The following MMUT variants were observed in gnomAD, a reference collection of about 807,000 sequenced individuals.
The protein encoded by MMUT is methylmalonyl-CoA mutase, also known as methylmalonyl-CoA mutase, mitochondrial.
MMUT carries 79 observed loss-of-function variants against 79.9 expected under a neutral mutation model. The ratio of observed to expected loss-of-function variants is 0.99; its 90% CI spans 0.82 to 1.19. The LOEUF (loss-of-function observed/expected upper bound fraction) is 1.19, where lower values mean the gene tolerates loss of function less well. Ranked by LOEUF, MMUT falls within the 50% of genes most tolerant of loss-of-function variation. MMUT has a pLI of 0.00. For missense variants in MMUT, 860 were observed against 917.2 expected, an observed-to-expected ratio of 0.94 and a Z score of 0.81; for synonymous variants, 273 against 295.7, an observed-to-expected ratio of 0.92 and a Z score of 0.79.
chr6:49,447,834 G>A (rs759409298), intron 7 of MMUT, 49 bp from the exon 8 acceptor site: 4 of 996,308 alleles, frequency 4.0e-6, no homozygotes, highest in Admixed American at 1.7e-5. Context: ...TTACCTAATT[G>A]TAATGCTCTG....
intron 4 of MMUT, 128 bp from the exon 5 acceptor site, chr6:49,453,884 T>C: frequency 1.3e-6 from 1 of 793,702 alleles, no homozygotes; most frequent in Non-Finnish European, 2.0e-6. Flanking sequence ...TAATTTGAAT[T>C]AAGATCAGTG....
At chr6:49,447,185 A>G (rs1767430334) in intron 8 of MMUT, among the ~76,000 whole-genome samples, 1 of 151,926 alleles carries the variant, frequency 6.6e-6, no homozygotes. Flanking sequence ...TACCAAATAT[A>G]GTTGAATTTT....
chr6:49,457,817 A>C lies in MMUT; in HGVS notation c.627T>G (p.Pro209=), dbSNP rs752307096. ...GGATGGTACCAGTAAGCTTCTCTTT[A>C]GGTACACCTTGTTCTTCTCCAGTTA... ...FIVTGEEQGV[P]KEKLTGTIQN... is the part of the protein sequence containing the mutation. Residue 209 remains proline (P), a synonymous_variant, in exon 3 of 13, where the codon CCT becomes CCG. Transcript: ENST00000274813. The C allele has an allele frequency of 1.2e-5, 19 of 1,613,420 alleles. No homozygotes were observed. The highest frequency in any genetic ancestry group is 1.6e-5 in the Non-Finnish European group (19 of 1,179,478).
intron 3 of MMUT, 64 bp from the exon 4 acceptor site, chr6:49,456,301 A>G: frequency 9.0e-7 from 1 of 1,108,222 alleles, no homozygotes; most frequent in East Asian, 2.5e-5. Context: ...TATTAAATCC[A>G]CTTTCTAAGC....
At chr6:49,448,681 A>C (rs1035490440) in intron 7 of MMUT, 135 bp downstream of exon 7, 4 of 704,696 alleles carry the variant, frequency 5.7e-6, no homozygotes, top group Non-Finnish European at 2.5e-6. Flanking sequence ...GATAGATACA[A>C]GTATATGAGA....
At chr6:49,436,675 G>A (rs1451487461) in intron 11 of MMUT, among the ~76,000 whole-genome samples, 2 of 151,514 alleles carry the variant, frequency 1.3e-5, no homozygotes, top group African/African-American at 2.4e-5. Flanking sequence ...CAAAGACATG[G>A]AATCAACCTA....
rs1767905201 is a variant in MMUT, at chr6:49,463,243, C to G, written c.-180G>C. 1 of 152,530 alleles carries G rather than the reference C, an allele frequency of 6.6e-6. No individual in the cohort carries two copies. The allele number at this position is 152,530 out of a possible 1,614,324, so 9.4% of individuals were successfully genotyped here. On this transcript the variant is annotated 5_prime_UTR_variant, in exon 1 of 13. Transcript: ENST00000274813. ...AAACCGCGCCACCGCCAGCGTCAGC[C>G]GGACGACTCTGGGGGCGTAGGCCGA...
At position 49,459,321 on chromosome 6, in the gene MMUT, T is replaced by C. The variant is rs1438206722; in HGVS notation, c.146A>G (p.Lys49Arg). 12 of 1,614,040 alleles carry C rather than the reference T, an allele frequency of 7.4e-6. No individual in the cohort carries two copies. Among genetic ancestry groups the C allele is most frequent in the African/African-American group, 1.3e-5 (1 of 74,918 alleles). Residue 49 changes from lysine (K) to arginine (R), a missense_variant, in exon 2 of 13, where the codon AAG (lysine) becomes AGG (arginine). Transcript: ENST00000274813. ...LHPEWAALAK[K>R]QLKGKNPEDL... ...TTCTGGGTTTTTGCCTTTCAGCTGCTTTTTAGCCAGGGCAGCCCATTCTGG... is the reference window on the plus strand; with the variant it reads ...TTCTGGGTTTTTGCCTTTCAGCTGCCTTTTAGCCAGGGCAGCCCATTCTGG...
intron 12 of MMUT, among the ~76,000 whole-genome samples, chr6:49,433,993 A>G (rs954038368): frequency 3.3e-5 from 5 of 152,216 alleles, no homozygotes; most frequent in African/African-American, 1.2e-4. Flanking sequence ...CAGAGAATTA[A>G]TACAACTTAT....
Position 49,431,759 on chromosome 6 carries a change from T to G in MMUT, c.2222A>C (p.Lys741Thr). 2 of 1,613,930 alleles carry G rather than the reference T, an allele frequency of 1.2e-6. No homozygotes were observed. The highest frequency in any genetic ancestry group is 1.7e-6 in the Non-Finnish European group (2 of 1,179,894). The change falls in exon 13 of 13, where the codon AAG becomes ACG. Residue 741 changes from lysine (K) to threonine (T), a missense_variant. Transcript: ENST00000274813. ...AAVQVLDDIE[K>T]CLEKKQQSV Reference sequence around the variant, plus strand: ...AGATTGCTGCTTCTTTTCCAAACACTTCTCAATATCATCAAGCACCTGAAC... The same window carrying G: ...AGATTGCTGCTTCTTTTCCAAACACGTCTCAATATCATCAAGCACCTGAAC...
In MMUT at chr6:49,443,358, C is replaced by T. The variant is rs79460155; in HGVS notation, c.1676+1281G>A. Reference sequence around the variant, plus strand: ...CCGAATCCCTAAGCTCAGGCTTCCTCTCCTTGAATGTAACCCAATGCACTG... The same window carrying T: ...CCGAATCCCTAAGCTCAGGCTTCCTTTCCTTGAATGTAACCCAATGCACTG... On this transcript the variant is annotated intron_variant, in intron 9 of 12. Transcript: ENST00000274813. Among the ~76,000 whole-genome samples, 38 of 152,262 alleles carry T rather than the reference C, an allele frequency of 2.5e-4. No individual in the cohort carries two copies. The East Asian group carries it at 6.2e-3, about 25-fold the overall frequency.
intron 10 of MMUT, 67 bp downstream of exon 10, chr6:49,441,773 A>AC (rs1767281144): frequency 2.0e-6 from 3 of 1,519,562 alleles, no homozygotes; most frequent in Non-Finnish European, 2.7e-6. Flanking sequence ...TTAAGCTCCC[A>AC]GTAGATTCAA....
Position 49,430,655 on chromosome 6 carries a change from T to C in MMUT, c.*1073A>G, listed in dbSNP as rs1362963907. 1 of 152,222 alleles carries C rather than the reference T, an allele frequency of 6.6e-6. No individual in the cohort carries two copies. The highest frequency in any genetic ancestry group is 6.5e-5 in the Admixed American group (1 of 15,286). The allele number at this position is 152,222 out of a possible 1,614,324, so 9.4% of individuals were successfully genotyped here. ...TACTTTCCAAAAGACTGCTCTCTGATCTAATACAATAGAAATTTATTAAAA... is the reference window on the plus strand; with the variant it reads ...TACTTTCCAAAAGACTGCTCTCTGACCTAATACAATAGAAATTTATTAAAA... On this transcript the variant is annotated 3_prime_UTR_variant, in exon 13 of 13. Coordinates refer to ENST00000274813, the MANE Select transcript of MMUT (RefSeq NM_000255.4).
rs375604969 is a variant in MMUT, at chr6:49,451,501, A to G, written c.1297T>C (p.Cys433Arg). ...DPWGGSYMME[C>R]LTNDVYDAAL... is the part of the protein sequence containing the mutation. ...GCATCATAAACATCATTTGTGAGACATTCCATCATGTAAGAACCTCCCCAA... is the reference window on the plus strand; with the variant it reads ...GCATCATAAACATCATTTGTGAGACGTTCCATCATGTAAGAACCTCCCCAA... The change falls in exon 6 of 13, where the codon TGT (cysteine) becomes CGT (arginine). Residue 433 changes from cysteine to arginine, a missense_variant. Coordinates refer to ENST00000274813, the MANE Select transcript of MMUT (RefSeq NM_000255.4). 1.9e-6 allele frequency: 3 copies of G among 1,614,032 alleles called. No individual in the cohort carries two copies. Among genetic ancestry groups the G allele is most frequent in the Non-Finnish European group, 2.5e-6 (3 of 1,180,024 alleles).
intron 1 of MMUT, among the ~76,000 whole-genome samples, chr6:49,462,098 C>T (rs1767865183): frequency 6.6e-6 from 1 of 152,150 alleles, no homozygotes; most frequent in Non-Finnish European, 1.5e-5. Flanking sequence ...AGGCTGGAAA[C>T]AGACACCATT....
At position 49,431,611 on chromosome 6, in the gene MMUT, G is replaced by A; in HGVS notation, c.*117C>T. ...TATAAGTAAGGTATTTTAAAGTAAA[G>A]CTTTCAAGGAAAGTACAAATCAGGT... is the stretch of plus-strand genomic sequence containing the variant. On this transcript the variant is annotated 3_prime_UTR_variant, in exon 13 of 13. Transcript: ENST00000274813. 5.4e-6 allele frequency: 6 copies of A among 1,113,852 alleles called. No individual in the cohort carries two copies. The East Asian group carries it at 1.5e-4, about 27-fold the overall frequency. The allele number at this position is 1,113,852 out of a possible 1,614,324, so 69.0% of individuals were successfully genotyped here. A position where few individuals can be genotyped will look rare whatever the true frequency, so the allele number is the denominator to read the frequency against.
chr6:49,456,363 A>G, intron 3 of MMUT, 126 bp from the exon 4 acceptor site: 1 of 720,656 alleles, frequency 1.4e-6, no homozygotes, highest in Non-Finnish European at 2.4e-6. Context: ...GGTAGTTCAT[A>G]ATGTTAACAA....
At chr6:49,462,009 G>A (rs568389308) in intron 1 of MMUT, among the ~76,000 whole-genome samples, 1 of 152,178 alleles carries the variant, frequency 6.6e-6, no homozygotes, top group Admixed American at 6.5e-5. Context: ...CATTTCACGT[G>A]GGCTTTCCTA....
rs767154952 is a variant in MMUT, at chr6:49,459,292, G to C, written c.175C>G (p.Leu59Val). ...ATCCCTTCCGGGGTGTGCCATATTA[G>C]GTCTTCTGGGTTTTTGCCTTTCAGC... ...KQLKGKNPEDLIWHTPEGISI... is the reference protein window; with the variant it reads ...KQLKGKNPEDVIWHTPEGISI... Residue 59 changes from leucine to valine, a missense_variant, in exon 2 of 13, where the codon CTA (leucine) becomes GTA (valine). Physicochemically the swap from Leu to Val is conservative, Grantham distance 32. Transcript: ENST00000274813. 2.5e-6 allele frequency: 4 copies of C among 1,614,168 alleles called. No homozygotes were observed. Among genetic ancestry groups the C allele is most frequent in the Non-Finnish European group, 3.4e-6 (4 of 1,180,032 alleles).
Sources: gnomAD v4.1 joint callset for allele counts (sites outside exome capture counted in the v4.1 genomes callset) on GRCh38, gnomAD v4.1.1 for gene constraint, MANE v1.5 for transcripts, NCBI Gene and HGNC (gene_info 2026-07-23, HGNC 2026-07-21) for gene names.